DNAH11: variants seen among roughly 807,000 people sequenced by gnomAD.
The protein encoded by DNAH11 is dynein axonemal heavy chain 11.
Under a neutral mutation model 526.0 loss-of-function variants are expected in DNAH11, and 442 were observed. The ratio of observed to expected loss-of-function variants is 0.84; its 90% CI spans 0.78 to 0.91. DNAH11 has a LOEUF of 0.91. Ranked by LOEUF, DNAH11 falls within the 40% of genes least tolerant of loss-of-function variation. The pLI, the probability that DNAH11 is intolerant of heterozygous loss-of-function variation, is 0.00. For missense variants in DNAH11, 6,989 were observed against 5,448.7 expected (o/e 1.28, Z -8.90); for synonymous variants, 2,461 against 1,935.9 (o/e 1.27, Z -7.12).
intron 18 of DNAH11, among the ~76,000 whole-genome samples, chr7:21,603,703 A>T (rs1326347029): frequency 6.6e-6 from 1 of 152,234 alleles, no homozygotes; most frequent in African/African-American, 2.4e-5. Context: ...ATACATAACA[A>T]GATGAAGAGA....
intron 41 of DNAH11, 78 bp from the exon 42 acceptor site, chr7:21,711,634 T>A (rs1784466476): frequency 1.3e-6 from 2 of 1,539,804 alleles, no homozygotes; most frequent in African/African-American, 2.7e-5. Context: ...ATACTTCTGG[T>A]AGGGGAAAGT....
chr7:21,868,730 C>T (rs563124115), intron 72 of DNAH11, 134 bp from the exon 73 acceptor site: 2 of 1,160,126 alleles, frequency 1.7e-6, no homozygotes, highest in Non-Finnish European at 2.4e-6. Flanking sequence ...ACAGAAGTTT[C>T]TTTGGGATTC....
In DNAH11 at chr7:21,901,393, T is replaced by A; in HGVS notation, c.*139T>A. ...TCTTTTTTCAACGCTATCCTTAGAG[T>A]GAAAGTCAGAAAAAAATACTAGAAA... On this transcript the variant is annotated 3_prime_UTR_variant, in exon 82 of 82. Transcript: ENST00000409508. The A allele has an allele frequency of 8.1e-7, 1 of 1,233,378 alleles. No homozygotes were observed. The highest frequency in any genetic ancestry group is 1.0e-6 in the Non-Finnish European group (1 of 954,294). The allele number at this position is 1,233,378 out of a possible 1,614,324, so 76.4% of individuals were successfully genotyped here.
At chr7:21,573,977 T>A (rs969425842) in intron 8 of DNAH11, among the ~76,000 whole-genome samples, 1 of 152,236 alleles carries the variant, frequency 6.6e-6, no homozygotes, top group African/African-American at 2.4e-5. Flanking sequence ...GCTTTGAGCC[T>A]TTATTGGCGT....
chr7:21,665,922 C>G (rs897037181), intron 30 of DNAH11, among the ~76,000 whole-genome samples: 4 of 151,996 alleles, frequency 2.6e-5, no homozygotes, highest in East Asian at 3.9e-4. Context: ...AAGTTGAAAC[C>G]TTTTTAGTTT....
intron 28 of DNAH11, among the ~76,000 whole-genome samples, chr7:21,654,905 AGAG>A (rs1781946470): frequency 6.6e-6 from 1 of 152,190 alleles, no homozygotes; most frequent in Admixed American, 6.6e-5. Flanking sequence ...AGTGCTCCCC[AGAG>A]GAGGATTGTT....
chr7:21,798,737 A>G (rs898358894), intron 61 of DNAH11, among the ~76,000 whole-genome samples: 1 of 152,224 alleles, frequency 6.6e-6, no homozygotes, highest in African/African-American at 2.4e-5. Context: ...GCTGTATGAC[A>G]TGCAACACCT....
At chr7:21,609,544 A>G (rs977102254) in intron 20 of DNAH11, among the ~76,000 whole-genome samples, 2 of 150,698 alleles carry the variant, frequency 1.3e-5, no homozygotes, top group African/African-American at 4.9e-5. Flanking sequence ...ATTTCTAGGA[A>G]TAATGGAATT....
chr7:21,772,559 ACTT>A (rs144875061), intron 55 of DNAH11, among the ~76,000 whole-genome samples: 1,550 of 152,120 alleles, frequency 0.01, 21 homozygotes, highest in African/African-American at 0.035. Context: ...GTTTATATAA[ACTT>A]CTTCATAAAT....
chr7:21,647,033 G>A (rs1240094627), intron 28 of DNAH11, among the ~76,000 whole-genome samples: 5 of 152,128 alleles, frequency 3.3e-5, no homozygotes, highest in African/African-American at 1.2e-4. Context: ...TAGCCAATAA[G>A]ATATTAAAAG....
chr7:21,880,709 T>G lies in DNAH11; in HGVS notation c.12203T>G (p.Leu4068Arg). 2 of 1,613,838 alleles carry G rather than the reference T, an allele frequency of 1.2e-6. No homozygotes were observed. Among genetic ancestry groups the G allele is most frequent in the Non-Finnish European group, 1.7e-6 (2 of 1,179,868 alleles). ...TCTTCTCTTTTTTCCCAGGATACAC[T>G]TGAAATATGCTCCAAGGAGCAGGAG... ...AALYNFDQDT[L>R]EICSKEQEFK... is the part of the protein sequence containing the mutation. The change falls in exon 75 of 82, where the codon CTT becomes CGT. Residue 4068 changes from leucine (L) to arginine (R), a missense_variant. By Grantham distance (102) the Leu-to-Arg change is moderately radical. Coordinates refer to ENST00000409508, the MANE Select transcript of DNAH11 (RefSeq NM_001277115.2).
chr7:21,890,533 T>G (rs1784292712), intron 76 of DNAH11, among the ~76,000 whole-genome samples: 1 of 152,224 alleles, frequency 6.6e-6, no homozygotes, highest in Non-Finnish European at 1.5e-5. Flanking sequence ...TTTCTTTCAA[T>G]TTCCTAGTAA....
At chr7:21,609,965 A>G (rs1402639073) in intron 20 of DNAH11, among the ~76,000 whole-genome samples, 2 of 152,156 alleles carry the variant, frequency 1.3e-5, no homozygotes, top group South Asian at 2.1e-4. Flanking sequence ...TGAAAAAAAC[A>G]GAAAAGGGGC....
intron 42 of DNAH11, among the ~76,000 whole-genome samples, chr7:21,717,418 A>C (rs1212843933): frequency 6.6e-6 from 1 of 152,166 alleles, no homozygotes; most frequent in Non-Finnish European, 1.5e-5. Flanking sequence ...GAAAAATCAC[A>C]AGCTGTTTTC....
intron 66 of DNAH11, among the ~76,000 whole-genome samples, chr7:21,846,884 C>A (rs551502170): frequency 7.2e-5 from 11 of 152,074 alleles, no homozygotes; most frequent in African/African-American, 2.7e-4. Context: ...TTATTTAATG[C>A]ATATAGGCCT....
intron 40 of DNAH11, among the ~76,000 whole-genome samples, chr7:21,709,575 A>C: frequency 6.6e-6 from 1 of 152,200 alleles, no homozygotes; most frequent in East Asian, 1.9e-4. Context: ...TGAACCTAAA[A>C]TAAAAGTTGA....
Position 21,681,563 on chromosome 7 carries a change from A to G in DNAH11, c.5346A>G (p.Thr1782=). 6.2e-7 allele frequency: 1 copy of G among 1,613,854 alleles called. No homozygotes were observed. Among genetic ancestry groups the G allele is most frequent in the Non-Finnish European group, 8.5e-7 (1 of 1,179,756 alleles). The change falls in exon 31 of 82, where the codon ACA becomes ACG. Residue 1782 remains threonine (T), a synonymous_variant. Coordinates refer to ENST00000409508, the MANE Select transcript of DNAH11 (RefSeq NM_001277115.2). ...FHKKQISQLN[T]LITLLLGELP... Reference sequence around the variant, plus strand: ...CCTTCTAGATTTCTCAGCTGAATACACTGATTACACTTTTGCTGGGAGAAC... The same window carrying G: ...CCTTCTAGATTTCTCAGCTGAATACGCTGATTACACTTTTGCTGGGAGAAC...
At chr7:21,628,179 GT>G (rs950199083) in intron 25 of DNAH11, among the ~76,000 whole-genome samples, 74 of 148,834 alleles carry the variant, frequency 5.0e-4, no homozygotes, top group African/African-American at 1.3e-3. Context: ...AGTTCTAACA[GT>G]TTTTTTTTTG....
At chr7:21,835,223 CAAAAAAAA>C (rs201863939) in intron 65 of DNAH11, among the ~76,000 whole-genome samples, 1 of 87,566 alleles carries the variant, frequency 1.1e-5, no homozygotes, top group African/African-American at 4.4e-5. Context: ...CAGACTATTC[CAAAAAAAA>C]AAAAAAAAAA....
Sources: gnomAD v4.1 joint callset for allele counts (sites outside exome capture counted in the v4.1 genomes callset) on GRCh38, gnomAD v4.1.1 for gene constraint, MANE v1.5 for transcripts, NCBI Gene and HGNC (gene_info 2026-07-23, HGNC 2026-07-21) for gene names.